The following PACS1 variants were observed in gnomAD, a reference collection of about 807,000 sequenced individuals.
The protein encoded by PACS1 is phosphofurin acidic cluster sorting protein 1, also known as PACS-1.
In PACS1, 24 loss-of-function variants were observed where a neutral mutation model predicts 115.0. That is an observed-to-expected ratio of 0.21 (90% CI 0.15 to 0.29). PACS1 has a LOEUF of 0.29. Among genes scored for constraint, PACS1 ranks in the 10% least tolerant of loss-of-function variants. PACS1 has a pLI of 1.00. For missense variants in PACS1, 838 were observed against 1,251.2 expected (o/e 0.67, Z 4.98); for synonymous variants, 453 against 504.5 (o/e 0.90, Z 1.37).
At chr11:66,105,703 G>C (rs1398421089) in intron 1 of PACS1, among the ~76,000 whole-genome samples, 4 of 152,160 alleles carry the variant, frequency 2.6e-5, no homozygotes, top group Non-Finnish European at 5.9e-5. Context: ...TACAGAAATA[G>C]AATCTTTAAT....
chr11:66,177,307 C>T (rs2134648922), intron 1 of PACS1, among the ~76,000 whole-genome samples: 1 of 152,238 alleles, frequency 6.6e-6, no homozygotes, highest in South Asian at 2.1e-4. Flanking sequence ...ATTCTCCTGC[C>T]TCAGCCTCCC....
chr11:66,182,100 A>C (rs746077484), intron 1 of PACS1, among the ~76,000 whole-genome samples: 12 of 152,224 alleles, frequency 7.9e-5, no homozygotes, highest in Admixed American at 2.0e-4. Context: ...ATCTGGTTTT[A>C]ATAAGCAAAA....
rs58980906 is a variant in PACS1 at position 66,162,112 on chromosome 11, G to GTTTTT, written c.357-31347_357-31343dup. 1.1e-3 allele frequency among the ~76,000 whole-genome samples: 64 copies of GTTTTT among 56,380 alleles called. 8 individuals are homozygous for GTTTTT. Among genetic ancestry groups the GTTTTT allele is most frequent in the Middle Eastern group, 0.016 (1 of 62 alleles). The allele number at this position is 56,380 out of a possible 152,430, so 37.0% of individuals were successfully genotyped here. A position where few individuals can be genotyped will look rare whatever the true frequency, so the allele number is the denominator to read the frequency against. On this transcript the variant is annotated intron_variant, in intron 1 of 23. Transcript: ENST00000320580. ...ATGTTTTCTGTTGGTGGTGGTGGTG[G>GTTTTT]TTTTTTTTTTTTTTTTTTTTTTTTT...
intron 2 of PACS1, among the ~76,000 whole-genome samples, chr11:66,206,715 G>A (rs1481796141): frequency 1.3e-5 from 2 of 152,120 alleles, no homozygotes; most frequent in Non-Finnish European, 1.5e-5. Flanking sequence ...GGAAGTTAAC[G>A]GATTCCCTAC....
At chr11:66,108,569 G>A (rs1858108510) in intron 1 of PACS1, among the ~76,000 whole-genome samples, 1 of 151,858 alleles carries the variant, frequency 6.6e-6, no homozygotes, top group South Asian at 2.1e-4. Context: ...TACAAAAGCT[G>A]GCAGCCTGAG....
At chr11:66,126,889 C>T (rs76466284) in intron 1 of PACS1, among the ~76,000 whole-genome samples, 8,638 of 151,970 alleles carry the variant, frequency 0.057, 755 homozygotes, top group African/African-American at 0.19. Flanking sequence ...GCAAGGGCCT[C>T]GTCGCTATTA....
At chr11:66,197,396 T>C (rs1854674193) in intron 2 of PACS1, among the ~76,000 whole-genome samples, 3 of 152,326 alleles carry the variant, frequency 2.0e-5, no homozygotes, top group East Asian at 1.9e-4. Flanking sequence ...AAAAGTCTTA[T>C]TGATATTATT....
chr11:66,099,816 G>T (rs1857872443), intron 1 of PACS1, among the ~76,000 whole-genome samples: 1 of 152,092 alleles, frequency 6.6e-6, no homozygotes, highest in Admixed American at 6.6e-5. Context: ...AAAATGCTGG[G>T]ATTATAGGCA....
intron 2 of PACS1, among the ~76,000 whole-genome samples, chr11:66,209,719 A>G (rs1481397255): frequency 2.0e-5 from 3 of 152,106 alleles, no homozygotes; most frequent in African/African-American, 7.2e-5. Flanking sequence ...AGGCCAGCAC[A>G]TGGTGAAACC....
At chr11:66,099,881 T>C (rs1168696620) in intron 1 of PACS1, among the ~76,000 whole-genome samples, 1 of 150,698 alleles carries the variant, frequency 6.6e-6, no homozygotes, top group Non-Finnish European at 1.5e-5. Flanking sequence ...GGAATTTTGC[T>C]CTTGTTGCCC....
chr11:66,115,414 T>G (rs1317967182), intron 1 of PACS1, among the ~76,000 whole-genome samples: 1 of 152,198 alleles, frequency 6.6e-6, no homozygotes, highest in African/African-American at 2.4e-5. Flanking sequence ...CCTCTACTGG[T>G]GACCAGCAGT....
chr11:66,113,102 A>G (rs778631871), intron 1 of PACS1, among the ~76,000 whole-genome samples: 2 of 152,222 alleles, frequency 1.3e-5, no homozygotes. Flanking sequence ...AATGTTCTGT[A>G]TCTTAAATAT....
At chr11:66,077,018 A>C (rs1857411136) in intron 1 of PACS1, among the ~76,000 whole-genome samples, 1 of 152,210 alleles carries the variant, frequency 6.6e-6, no homozygotes, top group Non-Finnish European at 1.5e-5. Context: ...AGGAATAACC[A>C]GCTTCCAAAG....
chr11:66,216,130 T>C lies in PACS1; in HGVS notation c.672T>C (p.His224=). ...CCCCTGGCTCCTAGGTGATGCAGCA[T>C]CCTAATGAAGGCGCACTGGTGCTTG... ...GLINMAEVMQ[H]PNEGALVLGL... Residue 224 remains histidine (H), a synonymous_variant, in exon 5 of 24, where the codon CAT becomes CAC. Coordinates refer to ENST00000320580, the MANE Select transcript of PACS1 (RefSeq NM_018026.4). 6.2e-7 allele frequency: 1 copy of C among 1,613,888 alleles called. No individual in the cohort carries two copies. The highest frequency in any genetic ancestry group is 8.5e-7 in the Non-Finnish European group (1 of 1,179,962).
intron 1 of PACS1, among the ~76,000 whole-genome samples, chr11:66,133,912 G>A (rs1310432423): frequency 2.6e-5 from 4 of 152,184 alleles, no homozygotes; most frequent in African/African-American, 7.2e-5. Flanking sequence ...GGATTAGCAA[G>A]CCAGACAGAT....
intron 1 of PACS1, among the ~76,000 whole-genome samples, chr11:66,146,001 G>C (rs927226053): frequency 6.6e-6 from 1 of 152,124 alleles, no homozygotes; most frequent in Non-Finnish European, 1.5e-5. Context: ...AATAACACAC[G>C]TGAAAAATTA....
chr11:66,187,859 T>C (rs562646448), intron 1 of PACS1, among the ~76,000 whole-genome samples: 20 of 152,304 alleles, frequency 1.3e-4, no homozygotes, highest in African/African-American at 4.6e-4. Flanking sequence ...GTAGTTTTAT[T>C]TGTAGTTTTT....
At chr11:66,133,022 G>A (rs59807152) in intron 1 of PACS1, among the ~76,000 whole-genome samples, 6,177 of 152,216 alleles carry the variant, frequency 0.041, 139 homozygotes, top group South Asian at 0.071. Context: ...ACAGAGGGCC[G>A]ACTGTAAATG....
At chr11:66,189,330 C>T (rs1017888478) in intron 1 of PACS1, among the ~76,000 whole-genome samples, 1 of 152,168 alleles carries the variant, frequency 6.6e-6, no homozygotes, top group African/African-American at 2.4e-5. Flanking sequence ...GTTGCTTTAC[C>T]TAAGGTACTA....
Sources: allele counts gnomAD v4.1 joint callset (sites outside exome capture counted in the v4.1 genomes callset), GRCh38; gene constraint gnomAD v4.1.1; transcripts MANE v1.5; gene names NCBI Gene and HGNC (gene_info 2026-07-23, HGNC 2026-07-21).